The following PLAAT1 variants were observed in gnomAD, a reference collection of about 807,000 sequenced individuals.
The protein encoded by PLAAT1 is phospholipase A and acyltransferase 1.
A neutral mutation model predicts 16.4 loss-of-function variants in PLAAT1; 13 were observed. The observed-to-expected ratio is 0.79, with a 90% CI of 0.52 to 1.26. The LOEUF (loss-of-function observed/expected upper bound fraction) is 1.26. Ranked by LOEUF, PLAAT1 falls within the 50% of genes most tolerant of loss-of-function variation. The pLI, the probability that PLAAT1 is intolerant of heterozygous loss-of-function variation, is 0.00. For missense variants in PLAAT1, 218 were observed against 207.8 expected, an observed-to-expected ratio of 1.05 and a Z score of -0.30; for synonymous variants, 73 against 78.4, an observed-to-expected ratio of 0.93 and a Z score of 0.36.
At chr3:193,244,434 C>G (rs186165458) in intron 1 of PLAAT1, among the ~76,000 whole-genome samples, 1 of 150,824 alleles carries the variant, frequency 6.6e-6, no homozygotes, top group African/African-American at 2.4e-5. Context: ...TTTATTTTAG[C>G]TATTCTGTTA....
chr3:193,264,557 G>C (rs369000759), intron 3 of PLAAT1, among the ~76,000 whole-genome samples: 6 of 151,172 alleles, frequency 4.0e-5, no homozygotes, highest in African/African-American at 1.5e-4. Flanking sequence ...AGGCTGGAGT[G>C]CAGTGGCACG....
intron 2 of PLAAT1, among the ~76,000 whole-genome samples, 172 bp from the exon 3 acceptor site, chr3:193,262,798 C>A (rs1716634276): frequency 6.6e-6 from 1 of 152,166 alleles, no homozygotes; most frequent in Admixed American, 6.5e-5. Flanking sequence ...AGTGTTACTG[C>A]TAAGTTATAG....
downstream of PLAAT1, chr3:193,274,752 A>T: frequency 2.4e-6 from 1 of 417,370 alleles, no homozygotes. Flanking sequence ...TAATTTGACT[A>T]CAGTACCATG....
Position 193,241,508 on chromosome 3 carries a change from G to A in PLAAT1, c.-26G>A, listed in dbSNP as rs1577294531. On this transcript the variant is annotated 5_prime_UTR_variant, in exon 1 of 4. Transcript: ENST00000264735. ...CACACACAGCTGCCTCCCGGTGCGAGAAGAAGACCCCGGCTTGAGAGTGAG... is the reference window on the plus strand; with the variant it reads ...CACACACAGCTGCCTCCCGGTGCGAAAAGAAGACCCCGGCTTGAGAGTGAG... 8.1e-7 allele frequency: 1 copy of A among 1,231,916 alleles called. No individual in the cohort carries two copies. Among genetic ancestry groups the A allele is most frequent in the East Asian group, 3.2e-5 (1 of 31,682 alleles). 76.3% of individuals were successfully genotyped at this position (1,231,916 alleles called of 1,614,324 possible).
At chr3:193,275,003 A>G (rs1478065413), downstream of PLAAT1, 4 of 1,606,028 alleles carry the variant, frequency 2.5e-6, no homozygotes, top group Non-Finnish European at 3.4e-6. Context: ...TTTTGGGGAA[A>G]AAAGCAATGC....
intron 1 of PLAAT1, among the ~76,000 whole-genome samples, chr3:193,242,044 G>A (rs112144199): frequency 6.6e-5 from 10 of 151,784 alleles, no homozygotes; most frequent in African/African-American, 2.4e-4. Context: ...ACCGCGTGCG[G>A]CCCAGGACAG....
downstream of PLAAT1, among the ~76,000 whole-genome samples, chr3:193,271,330 A>G (rs1200529340): frequency 6.6e-6 from 1 of 152,216 alleles, no homozygotes; most frequent in African/African-American, 2.4e-5. Context: ...ATGACAAGTA[A>G]GAGTGGGCTG....
At chr3:193,240,654 CGTGTGTGTGTGTGTGTGTGTGT>C (rs370008875), upstream of PLAAT1, among the ~76,000 whole-genome samples, 2 of 88,502 alleles carry the variant, frequency 2.3e-5, no homozygotes, top group African/African-American at 4.8e-5. Context: ...GGCTATCTGG[CGTGTGTGTGTGTGTGTGTGTGT>C]GTGTGTGTGG....
intron 1 of PLAAT1, among the ~76,000 whole-genome samples, chr3:193,254,826 G>A (rs144814861): frequency 3.8e-4 from 58 of 152,228 alleles, no homozygotes; most frequent in African/African-American, 1.3e-3. Flanking sequence ...ATGACAAAGG[G>A]CATTTACTGA....
intron 1 of PLAAT1, among the ~76,000 whole-genome samples, chr3:193,246,967 C>T (rs1344664428): frequency 6.6e-6 from 1 of 152,102 alleles, no homozygotes; most frequent in Non-Finnish European, 1.5e-5. Context: ...TGGGATTCAC[C>T]TGTGAAGCCA....
Position 193,257,417 on chromosome 3 carries a change from T to C in PLAAT1, c.139+1628T>C, listed in dbSNP as rs76071159. On this transcript the variant is annotated intron_variant, in intron 2 of 3. Transcript: ENST00000264735. ...ACATGTTTTATTGCAGGGAAGATGG[T>C]CTTAATATGATATTTATTTGAAAAA... 4.8e-3 allele frequency among the ~76,000 whole-genome samples: 726 copies of C among 152,310 alleles called. 8 individuals carry two copies. Among genetic ancestry groups the C allele is most frequent in the African/African-American group, 0.017 (686 of 41,562 alleles).
downstream of PLAAT1, chr3:193,279,443 A>T: frequency 6.2e-7 from 1 of 1,613,204 alleles, no homozygotes; most frequent in Non-Finnish European, 8.5e-7. Context: ...AGCAGCAGAA[A>T]TGAAAATATA....
downstream of PLAAT1, chr3:193,277,790 C>T (rs1717292584): frequency 6.6e-6 from 1 of 152,188 alleles, no homozygotes; most frequent in Admixed American, 6.5e-5. Flanking sequence ...TAACTCTTCT[C>T]CATCCCTTGA....
At chr3:193,276,598 T>C (rs1172599008) in intron 2 of PLAAT1, 2 of 605,288 alleles carry the variant, frequency 3.3e-6, no homozygotes, top group Non-Finnish European at 5.9e-6. Flanking sequence ...CCCCCCAAAA[T>C]TTTCCTCCAA....
At chr3:193,244,353 G>T (rs1385412808) in intron 1 of PLAAT1, among the ~76,000 whole-genome samples, 1 of 152,104 alleles carries the variant, frequency 6.6e-6, no homozygotes, top group Non-Finnish European at 1.5e-5. Context: ...CCCACCAGCA[G>T]TGAATGAGTG....
At chr3:193,240,712 CGT>C (rs145899216), upstream of PLAAT1, among the ~76,000 whole-genome samples, 14 of 138,984 alleles carry the variant, frequency 1.0e-4, no homozygotes, top group South Asian at 2.3e-4. Context: ...GGCTATCTGG[CGT>C]GTGTGTGTGT....
downstream of PLAAT1, among the ~76,000 whole-genome samples, chr3:193,273,309 C>T (rs567218650): frequency 6.6e-6 from 1 of 152,168 alleles, no homozygotes; most frequent in Non-Finnish European, 1.5e-5. Flanking sequence ...TGTCTTGTTA[C>T]CAGTAGCTGC....
chr3:193,268,584 C>G (rs1716859781), intron 3 of PLAAT1, among the ~76,000 whole-genome samples: 1 of 152,164 alleles, frequency 6.6e-6, no homozygotes, highest in Non-Finnish European at 1.5e-5. Context: ...TGTAATCTTG[C>G]ACATCACATC....
intron 1 of PLAAT1, among the ~76,000 whole-genome samples, chr3:193,254,723 A>C (rs560491220): frequency 6.6e-6 from 1 of 152,144 alleles, no homozygotes; most frequent in Non-Finnish European, 1.5e-5. Context: ...ACCACCTAGC[A>C]TGGCTTCTGG....
Sources: gnomAD v4.1 joint callset for allele counts (sites outside exome capture counted in the v4.1 genomes callset) on GRCh38, gnomAD v4.1.1 for gene constraint, MANE v1.5 for transcripts, NCBI Gene and HGNC (gene_info 2026-07-23, HGNC 2026-07-21) for gene names.